EGFR: variants seen among roughly 807,000 people sequenced by gnomAD.
The protein encoded by EGFR is epidermal growth factor receptor, also known as avian erythroblastic leukemia viral (v-erb-b) oncogene homolog.
Under a neutral mutation model 143.0 loss-of-function variants are expected in EGFR, and 58 were observed. The ratio of observed to expected loss-of-function variants is 0.41; its 90% confidence interval spans 0.33 to 0.50. The LOEUF (loss-of-function observed/expected upper bound fraction) is 0.50, where lower values mean the gene tolerates loss of function less well. Ranked by LOEUF, EGFR falls within the 20% of genes least tolerant of loss-of-function variation. The pLI is 0.39. For synonymous variants in EGFR, 613 were observed against 594.4 expected (o/e 1.03, Z -0.45); for missense variants, 1,307 against 1,579.0 (o/e 0.83, Z 2.92).
chr7:55,191,938 C>T (rs547606908), intron 21 of EGFR, 64 bp downstream of exon 21: 6 of 1,604,390 alleles, frequency 3.7e-6, no homozygotes, highest in Non-Finnish European at 5.1e-6. Flanking sequence ...TGCCTTCCCA[C>T]TAGCTGTATT....
intron 23 of EGFR, among the ~76,000 whole-genome samples, chr7:55,199,849 T>C (rs966850578): frequency 6.6e-5 from 10 of 152,212 alleles, no homozygotes; most frequent in African/African-American, 2.4e-4. Context: ...TGTGCTGTAC[T>C]GGAGACGCCG....
At chr7:55,080,360 T>C (rs1037348432) in intron 1 of EGFR, among the ~76,000 whole-genome samples, 2 of 145,356 alleles carry the variant, frequency 1.4e-5, no homozygotes, top group Non-Finnish European at 3.0e-5. Context: ...TGGAATACTA[T>C]TCAGTCTTAA....
chr7:55,148,688 C>T (rs1258886774), intron 4 of EGFR, among the ~76,000 whole-genome samples: 8 of 152,098 alleles, frequency 5.3e-5, no homozygotes, highest in Non-Finnish European at 1.2e-4. Flanking sequence ...TTGGGTTAGT[C>T]GCATTGGAGA....
At chr7:55,067,435 C>T (rs1789568891) in intron 1 of EGFR, among the ~76,000 whole-genome samples, 1 of 151,448 alleles carries the variant, frequency 6.6e-6, no homozygotes, top group Non-Finnish European at 1.5e-5. Context: ...AAAGCCCCAA[C>T]AAGTTACCTA....
intron 1 of EGFR, among the ~76,000 whole-genome samples, chr7:55,115,063 A>G (rs1792753821): frequency 6.6e-6 from 1 of 151,918 alleles, no homozygotes; most frequent in South Asian, 2.1e-4. Flanking sequence ...TTGTATTTTT[A>G]GTAGAGACGG....
chr7:55,101,342 A>G (rs567795515), intron 1 of EGFR, among the ~76,000 whole-genome samples: 33 of 152,338 alleles, frequency 2.2e-4, no homozygotes, highest in African/African-American at 7.0e-4. Flanking sequence ...GTACAGACAC[A>G]GTTCTGCTCC....
At chr7:55,202,871 A>G in intron 27 of EGFR, 2 of 661,896 alleles carry the variant, frequency 3.0e-6, no homozygotes, top group Admixed American at 2.1e-5. Flanking sequence ...CAAAATTTCT[A>G]GCTTATGAAG....
intron 1 of EGFR, among the ~76,000 whole-genome samples, chr7:55,131,833 C>G (rs1793854723): frequency 2.0e-5 from 3 of 152,056 alleles, no homozygotes. Flanking sequence ...CACAGCCTCC[C>G]AGGCTAACAG....
chr7:55,194,425 A>G (rs1280363365), intron 22 of EGFR, among the ~76,000 whole-genome samples: 1 of 151,744 alleles, frequency 6.6e-6, no homozygotes, highest in Non-Finnish European at 1.5e-5. Flanking sequence ...ACAGGGTTTC[A>G]CTATGTTGGC....
At chr7:55,066,729 A>G (rs1335214417) in intron 1 of EGFR, among the ~76,000 whole-genome samples, 1 of 152,170 alleles carries the variant, frequency 6.6e-6, no homozygotes, top group Non-Finnish European at 1.5e-5. Context: ...TGGATTCACA[A>G]GTAAGCAAGA....
chr7:55,127,391 A>C (rs988811613), intron 1 of EGFR, among the ~76,000 whole-genome samples: 2 of 152,194 alleles, frequency 1.3e-5, no homozygotes, highest in African/African-American at 4.8e-5. Flanking sequence ...CACGAAAGGA[A>C]GTGTTACCAC....
intron 1 of EGFR, among the ~76,000 whole-genome samples, chr7:55,127,184 C>T (rs1298602029): frequency 2.0e-5 from 3 of 152,142 alleles, no homozygotes; most frequent in Non-Finnish European, 4.4e-5. Flanking sequence ...CTCTGCTACC[C>T]AACCTTTGGA....
intron 1 of EGFR, among the ~76,000 whole-genome samples, chr7:55,046,557 G>A (rs1261901009): frequency 1.4e-5 from 2 of 147,958 alleles, no homozygotes; most frequent in South Asian, 2.2e-4. Context: ...CTGTTCCTTA[G>A]ACATGTGTTA....
intron 1 of EGFR, among the ~76,000 whole-genome samples, chr7:55,076,714 C>T (rs1790149772): frequency 6.6e-6 from 1 of 152,120 alleles, no homozygotes; most frequent in Admixed American, 6.5e-5. Context: ...AGTTTCTTTC[C>T]CTTTGAACTT....
intron 1 of EGFR, among the ~76,000 whole-genome samples, chr7:55,121,458 C>T (rs1467749387): frequency 6.6e-6 from 1 of 152,188 alleles, no homozygotes; most frequent in Non-Finnish European, 1.5e-5. Flanking sequence ...TCCTACACAC[C>T]TTCTCATTTT....
chr7:55,117,091 A>G (rs1792903261), intron 1 of EGFR, among the ~76,000 whole-genome samples: 1 of 152,240 alleles, frequency 6.6e-6, no homozygotes, highest in Non-Finnish European at 1.5e-5. Flanking sequence ...GCGCAGTTAT[A>G]GCAAATTATA....
chr7:55,155,215 C>A (rs1562765432), intron 7 of EGFR, among the ~76,000 whole-genome samples: 1 of 152,138 alleles, frequency 6.6e-6, no homozygotes, highest in Non-Finnish European at 1.5e-5. Flanking sequence ...ACTGAAGGGG[C>A]TGGATTGTCT....
At chr7:55,168,019 C>G (rs982891197) in intron 15 of EGFR, among the ~76,000 whole-genome samples, 3 of 152,150 alleles carry the variant, frequency 2.0e-5, no homozygotes, top group Non-Finnish European at 4.4e-5. Context: ...TAGTTTTTAA[C>G]TGTTTTTTAA....
In EGFR at chr7:55,151,072, T is replaced by A. The variant is rs17289753; in HGVS notation, c.560-222T>A. Among the ~76,000 whole-genome samples the A allele has an allele frequency of 4.1e-4, 62 of 152,328 alleles. 1 individual carries two copies. In the Middle Eastern group the frequency reaches 0.017, roughly 42 times the overall value. ...CCCATGTCAGTAATTACTCTCTGCC[T>A]CAGTTTCCGCAGCTGACATGTAAAT... is the stretch of plus-strand genomic sequence containing the variant. On this transcript the variant is annotated intron_variant, in intron 4 of 27. Transcript: ENST00000275493.
Sources: gnomAD v4.1 joint callset for allele counts (sites outside exome capture counted in the v4.1 genomes callset) on GRCh38, gnomAD v4.1.1 for gene constraint, MANE v1.5 for transcripts, NCBI Gene and HGNC (gene_info 2026-07-23, HGNC 2026-07-21) for gene names.